The following HSPB6 variants were observed in gnomAD, a reference collection of about 807,000 sequenced individuals.
The protein encoded by HSPB6 is heat shock protein family B (small) member 6, also known as heat shock protein beta-6.
In HSPB6, 8 loss-of-function variants were observed where a neutral mutation model predicts 10.7. The observed-to-expected ratio is 0.75, with a 90% CI of 0.44 to 1.35. The LOEUF is 1.35. HSPB6 is among the 40% of genes most tolerant of loss of function. HSPB6 has a pLI of 0.00. For synonymous variants in HSPB6, 128 were observed against 114.2 expected (o/e 1.12, Z -0.77); for missense variants, 232 against 236.0 (o/e 0.98, Z 0.11).
intron 1 of HSPB6, 116 bp from the exon 2 acceptor site, chr19:35,756,010 T>C (rs1265511422): frequency 1.1e-5 from 16 of 1,415,320 alleles, no homozygotes; most frequent in Non-Finnish European, 1.5e-5. Flanking sequence ...GCCTCCGGAG[T>C]TGAGCAGTCA....
In HSPB6 at chr19:35,755,427, G is replaced by T; in HGVS notation, c.*95C>A. 7.8e-7 allele frequency: 1 copy of T among 1,279,502 alleles called. No homozygotes were observed. The highest frequency in any genetic ancestry group is 1.1e-6 in the Non-Finnish European group (1 of 915,254). The allele number at this position is 1,279,502 out of a possible 1,614,324, so 79.3% of individuals were successfully genotyped here. On this transcript the variant is annotated 3_prime_UTR_variant, in exon 3 of 3. Coordinates refer to ENST00000004982, the MANE Select transcript of HSPB6 (RefSeq NM_144617.3). ...GGAGTGGGTGAGAGGACAGTCCTTG[G>T]CGCACTCGGGACATCTGGCTGGGCG...
chr19:35,756,727 A>G, intron 1 of HSPB6, 84 bp downstream of exon 1: 3 of 1,396,700 alleles, frequency 2.1e-6, no homozygotes, highest in Non-Finnish European at 9.8e-7. Context: ...GCCAACGAAC[A>G]TTCTCTCACA....
In HSPB6 at chr19:35,756,813, G is replaced by A; in HGVS notation, c.196C>T (p.Gln66Ter). The change falls in exon 1 of 3, where the codon CAG (glutamine) becomes TAG (stop). Residue 66 changes from glutamine (Q) to a stop codon, truncating the protein, a stop_gained and splice_region_variant. Coordinates refer to ENST00000004982, the MANE Select transcript of HSPB6 (RefSeq NM_144617.3). LOFTEE classifies it high-confidence loss of function. Reference protein sequence around the residue: ...RAPSVALPVAQVPTDPGHFSV... With the variant: ...RAPSVALPVA ...TCACCCCTCCCCAGGCCTGGCACCTGGGCGACGGGCAGCGCCACGCTGGGT... is the reference window on the plus strand; with the variant it reads ...TCACCCCTCCCCAGGCCTGGCACCTAGGCGACGGGCAGCGCCACGCTGGGT... The A allele has an allele frequency of 6.5e-7, 1 of 1,535,700 alleles. No homozygotes were observed. Among genetic ancestry groups the A allele is most frequent in the Non-Finnish European group, 8.7e-7 (1 of 1,146,608 alleles).
chr19:35,755,331 G>C lies in HSPB6; in HGVS notation c.*191C>G, dbSNP rs149052927. Reference sequence around the variant, plus strand: ...GGTCGGAAAGCTGGAGGGGGTGTGAGAGCGAGGGTGTCAGTGGAAGGGTCT... The same window carrying C: ...GGTCGGAAAGCTGGAGGGGGTGTGACAGCGAGGGTGTCAGTGGAAGGGTCT... On this transcript the variant is annotated 3_prime_UTR_variant, in exon 3 of 3. Coordinates refer to ENST00000004982, the MANE Select transcript of HSPB6 (RefSeq NM_144617.3). 4.9e-4 allele frequency: 353 copies of C among 713,720 alleles called. 1 individual carries two copies. Among genetic ancestry groups the C allele is most frequent in the Admixed American group, 1.1e-3 (52 of 47,828 alleles). The allele number at this position is 713,720 out of a possible 1,614,324, so 44.2% of individuals were successfully genotyped here.
chr19:35,754,893 C>A lies in HSPB6; in HGVS notation c.*629G>T, dbSNP rs765719966. The A allele has an allele frequency of 1.3e-4, 38 of 300,402 alleles. No individual in the cohort carries two copies. The highest frequency in any genetic ancestry group is 2.4e-3 in the Middle Eastern group (2 of 848). 18.6% of individuals were successfully genotyped at this position (300,402 alleles called of 1,614,324 possible). A position where few individuals can be genotyped will look rare whatever the true frequency, so the allele number is the denominator to read the frequency against. ...CCTGGTGTCCAAGAGTTGGGGCAGTCGAAAAAGGGTTCCAGAGTCTGGTGT... is the reference window on the plus strand; with the variant it reads ...CCTGGTGTCCAAGAGTTGGGGCAGTAGAAAAAGGGTTCCAGAGTCTGGTGT... On this transcript the variant is annotated 3_prime_UTR_variant, in exon 3 of 3. Transcript: ENST00000004982.
chr19:35,755,293 G>C lies in HSPB6; in HGVS notation c.*229C>G. The C allele has an allele frequency of 1.5e-6, 1 of 674,632 alleles. No homozygotes were observed. The allele number at this position is 674,632 out of a possible 1,614,324, so 41.8% of individuals were successfully genotyped here. ...GCTGGTAGGGTCTGGAAGCCGGGGA[G>C]TTGTCGGTGTGGGGTCGGAAAGCTG... On this transcript the variant is annotated 3_prime_UTR_variant, in exon 3 of 3. Coordinates refer to ENST00000004982, the MANE Select transcript of HSPB6 (RefSeq NM_144617.3).
chr19:35,755,742 G>T (rs374734546), intron 2 of HSPB6, 30 bp downstream of exon 2: 1 of 1,543,104 alleles, frequency 6.5e-7, no homozygotes, highest in Non-Finnish European at 8.7e-7. Flanking sequence ...GAGCGTACCC[G>T]CTCCAGCCCC....
At position 35,755,662 on chromosome 19, in the gene HSPB6, G is replaced by A. The variant is rs1351359902; in HGVS notation, c.343C>T (p.Arg115Cys). The change falls in exon 3 of 3, where the codon CGC (arginine) becomes TGC (cysteine). Residue 115 changes from arginine to cysteine, a missense_variant. By Grantham distance (180) the Arg-to-Cys change is radical. Coordinates refer to ENST00000004982, the MANE Select transcript of HSPB6 (RefSeq NM_144617.3). Reference sequence around the variant, plus strand: ...AGGCGGTAGCGACGGTGGAACTCGCGCGCGACGAATCCGTGCTCATCCTGG... The same window carrying A: ...AGGCGGTAGCGACGGTGGAACTCGCACGCGACGAATCCGTGCTCATCCTGG... The part of the protein sequence containing the change: ...ERPDEHGFVA[R>C]EFHRRYRLPP... 1 of 1,534,720 alleles carries A rather than the reference G, an allele frequency of 6.5e-7. No homozygotes were observed. Among genetic ancestry groups the A allele is most frequent in the Non-Finnish European group, 8.7e-7 (1 of 1,144,070 alleles).
At chr19:35,756,430 GCA>G (rs1186068246) in intron 1 of HSPB6, among the ~76,000 whole-genome samples, 2 of 152,044 alleles carry the variant, frequency 1.3e-5, no homozygotes, top group African/African-American at 4.8e-5. Context: ...TCGGGCCACC[GCA>G]CACAGTCTCT....
In HSPB6 at chr19:35,755,825, CAG is replaced by C. The variant is rs2146530391; in HGVS notation, c.266_267del (p.Ala89GlyfsTer20). On this transcript the variant is annotated frameshift_variant, in exon 2 of 3. Transcript: ENST00000004982. LOFTEE classifies it high-confidence loss of function. Reference sequence around the variant, plus strand: ...TCCACGTGTTCGCCCACCACCTTGACAGCAATTTCCTCCGGCGAGAAGTGCTT... The same window carrying C: ...TCCACGTGTTCGCCCACCACCTTGACCAATTTCCTCCGGCGAGAAGTGCTT... ...DVKHFSPEEI[A>X]VKVVGEHVEV... 6.3e-7 allele frequency: 1 copy of C among 1,596,518 alleles called. No individual in the cohort carries two copies. Among genetic ancestry groups the C allele is most frequent in the South Asian group, 1.1e-5 (1 of 88,144 alleles).
At position 35,756,855 on chromosome 19, in the gene HSPB6, G is replaced by A. The variant is rs1970768482; in HGVS notation, c.154C>T (p.Pro52Ser). The change falls in exon 1 of 3, where the codon CCC becomes TCC. Residue 52 changes from proline to serine, a missense_variant. Coordinates refer to ENST00000004982, the MANE Select transcript of HSPB6 (RefSeq NM_144617.3). Reference protein sequence around the residue: ...LAALCPTTLAPYYLRAPSVAL... With the variant: ...LAALCPTTLASYYLRAPSVAL... Reference sequence around the variant, plus strand: ...ACGCTGGGTGCGCGCAGGTAGTAGGGGGCGAGCGTGGTGGGGCAGAGCGCA... The same window carrying A: ...ACGCTGGGTGCGCGCAGGTAGTAGGAGGCGAGCGTGGTGGGGCAGAGCGCA... 1 of 1,537,492 alleles carries A rather than the reference G, an allele frequency of 6.5e-7. No homozygotes were observed. Among genetic ancestry groups the A allele is most frequent in the South Asian group, 1.2e-5 (1 of 83,884 alleles).
In HSPB6 at chr19:35,755,367, G is replaced by GTGTGTTATCAA; in HGVS notation, c.*154_*155insTTGATAACACA. 2.5e-6 allele frequency: 2 copies of GTGTGTTATCAA among 787,356 alleles called. No homozygotes were observed. The highest frequency in any genetic ancestry group is 4.3e-6 in the Non-Finnish European group (2 of 466,458). The allele number at this position is 787,356 out of a possible 1,614,324, so 48.8% of individuals were successfully genotyped here. On this transcript the variant is annotated 3_prime_UTR_variant, in exon 3 of 3. Coordinates refer to ENST00000004982, the MANE Select transcript of HSPB6 (RefSeq NM_144617.3). ...TCAGTGGAAGGGTCTATGTTATCAA[G>GTGTGTTATCAA]GCAGTGTCCAGGATGGAGGTCAGGG...
At chr19:35,756,697 G>T in intron 1 of HSPB6, 114 bp downstream of exon 1, 1 of 1,091,276 alleles carries the variant, frequency 9.2e-7, no homozygotes, top group Non-Finnish European at 1.3e-6. Flanking sequence ...CGGAGCTGCG[G>T]ACTCTCCACC....
chr19:35,755,500 G>T lies in HSPB6; in HGVS notation c.*22C>A. ...GGGAGCCTGAGGAGGCTCCCGGGGT[G>T]CGGGCGCGGCCCAGCCCCCTCCTAC... On this transcript the variant is annotated 3_prime_UTR_variant, in exon 3 of 3. Coordinates refer to ENST00000004982, the MANE Select transcript of HSPB6 (RefSeq NM_144617.3). The T allele has an allele frequency of 6.6e-7, 1 of 1,513,688 alleles. No homozygotes were observed. The highest frequency in any genetic ancestry group is 8.8e-7 in the Non-Finnish European group (1 of 1,137,242). 93.8% of individuals were successfully genotyped at this position (1,513,688 alleles called of 1,614,324 possible).
chr19:35,755,270 T>A lies in HSPB6; in HGVS notation c.*252A>T. 1 of 651,358 alleles carries A rather than the reference T, an allele frequency of 1.5e-6. No homozygotes were observed. Among genetic ancestry groups the A allele is most frequent in the Non-Finnish European group, 2.7e-6 (1 of 364,760 alleles). 40.3% of individuals were successfully genotyped at this position (651,358 alleles called of 1,614,324 possible). On this transcript the variant is annotated 3_prime_UTR_variant, in exon 3 of 3. Transcript: ENST00000004982. The stretch of plus-strand genomic sequence containing the variant: ...TGTCGGCTGAGGGTTAGGGTAGTGC[T>A]GGTAGGGTCTGGAAGCCGGGGAGTT...
In HSPB6 at chr19:35,754,607, G is replaced by A. The variant is rs773487464; in HGVS notation, c.*915C>T. ...ACATTTATTGGGAGAGTAAGCCTGG[G>A]AAAGACTAAGGGAGTGGTGGCAGGG... On this transcript the variant is annotated 3_prime_UTR_variant, in exon 3 of 3. Coordinates refer to ENST00000004982, the MANE Select transcript of HSPB6 (RefSeq NM_144617.3). 555 of 826,086 alleles carry A rather than the reference G, an allele frequency of 6.7e-4. No individual in the cohort carries two copies. Among genetic ancestry groups the A allele is most frequent in the Non-Finnish European group, 1.0e-3 (507 of 503,168 alleles). 51.2% of individuals were successfully genotyped at this position (826,086 alleles called of 1,614,324 possible). A position where few individuals can be genotyped will look rare whatever the true frequency, so the allele number is the denominator to read the frequency against.
rs1379447785 is a variant in HSPB6 at position 35,756,810 on chromosome 19, C to T, written c.198+1G>A. On this transcript the variant is annotated splice_donor_variant, in intron 1 of 2. Transcript: ENST00000004982. LOFTEE classifies it high-confidence loss of function. ...AGTTCACCCCTCCCCAGGCCTGGCACCTGGGCGACGGGCAGCGCCACGCTG... is the reference window on the plus strand; with the variant it reads ...AGTTCACCCCTCCCCAGGCCTGGCATCTGGGCGACGGGCAGCGCCACGCTG... 3 of 1,535,618 alleles carry T rather than the reference C, an allele frequency of 2.0e-6. No homozygotes were observed. Among genetic ancestry groups the T allele is most frequent in the Non-Finnish European group, 8.7e-7 (1 of 1,146,636 alleles).
At position 35,756,981 on chromosome 19, in the gene HSPB6, A is replaced by T; in HGVS notation, c.28T>A (p.Ser10Thr). The T allele has an allele frequency of 6.5e-7, 1 of 1,545,714 alleles. No homozygotes were observed. The highest frequency in any genetic ancestry group is 8.7e-7 in the Non-Finnish European group (1 of 1,146,698). MEIPVPVQP[S>T]WLRRASAPLP... The stretch of plus-strand genomic sequence containing the variant: ...GGGGCCGAGGCGCGGCGCAGCCAAG[A>T]CGGCTGCACAGGCACAGGGATCTCC... The change falls in exon 1 of 3, where the codon TCT becomes ACT. Residue 10 changes from serine (S) to threonine (T), a missense_variant. Coordinates refer to ENST00000004982, the MANE Select transcript of HSPB6 (RefSeq NM_144617.3).
At chr19:35,756,706 C>A in intron 1 of HSPB6, 105 bp downstream of exon 1, 4 of 1,228,236 alleles carry the variant, frequency 3.3e-6, no homozygotes, top group South Asian at 1.3e-5. Context: ...GGACTCTCCA[C>A]CCCGCCCAAG....
Sources: gnomAD v4.1 joint callset for allele counts (sites outside exome capture counted in the v4.1 genomes callset) on GRCh38, gnomAD v4.1.1 for gene constraint, MANE v1.5 for transcripts, NCBI Gene and HGNC (gene_info 2026-07-23, HGNC 2026-07-21) for gene names.